Variants in WDPCP observed in about 807,000 individuals in gnomAD.
The protein encoded by WDPCP is WD repeat containing planar cell polarity effector.
In WDPCP, 71 loss-of-function variants were observed where a neutral mutation model predicts 93.1. That is an observed-to-expected ratio of 0.76 (90% CI 0.63 to 0.93). The LOEUF is 0.93. Among genes scored for constraint, WDPCP ranks in the 40% least tolerant of loss-of-function variants. The probability of loss-of-function intolerance (pLI) is 0.00; values close to 1 mark genes in which losing one functional copy is unlikely to be tolerated. For synonymous variants in WDPCP, 315 were observed against 315.0 expected (o/e 1.00, Z 0.00); for missense variants, 844 against 887.4 (o/e 0.95, Z 0.62).
At chr2:63,235,051 G>A (rs985925635) in intron 14 of WDPCP, among the ~76,000 whole-genome samples, 1 of 151,986 alleles carries the variant, frequency 6.6e-6, no homozygotes, top group African/African-American at 2.4e-5. Context: ...AAGGATAAAC[G>A]AAAAGTTGGT....
At chr2:63,823,233 C>T (rs1168948118) in intron 1 of WDPCP, among the ~76,000 whole-genome samples, 4 of 150,170 alleles carry the variant, frequency 2.7e-5, no homozygotes, top group African/African-American at 7.3e-5. Flanking sequence ...TTTGGCCAGG[C>T]GCAGTAGCTC....
At chr2:63,549,419 A>G (rs1575624118) in intron 1 of WDPCP, among the ~76,000 whole-genome samples, 1 of 152,302 alleles carries the variant, frequency 6.6e-6, no homozygotes. Flanking sequence ...ACTGTTTTAT[A>G]CTGTAATGGA....
chr2:63,480,292 A>G (rs1005239320), intron 6 of WDPCP, among the ~76,000 whole-genome samples: 7 of 152,126 alleles, frequency 4.6e-5, no homozygotes, highest in Non-Finnish European at 8.8e-5. Flanking sequence ...AATCAATATC[A>G]TGAAAATGGC....
At chr2:63,452,498 G>A (rs1251000824) in intron 6 of WDPCP, among the ~76,000 whole-genome samples, 4 of 152,130 alleles carry the variant, frequency 2.6e-5, no homozygotes, top group South Asian at 2.1e-4. Context: ...AATCAATATC[G>A]TGAAAATGGC....
chr2:63,484,929 G>A lies in WDPCP; in HGVS notation c.312C>T (p.Leu104=). 1 of 1,612,486 alleles carries A rather than the reference G, an allele frequency of 6.2e-7. No individual in the cohort carries two copies. Among genetic ancestry groups the A allele is most frequent in the Non-Finnish European group, 8.5e-7 (1 of 1,179,004 alleles). ...TTTTGAAAGATACCTCCAACTCTTT[G>A]AGCGAGTCTCGGAGTTTTTCTGGGC... The part of the protein sequence containing the change: ...NRRPEKLRDS[L]KELEELMQNS... Residue 104 remains leucine (L), a synonymous_variant, in exon 5 of 18, where the codon CTC becomes CTT. Transcript: ENST00000272321.
At chr2:63,331,654 G>A (rs1411292921) in intron 12 of WDPCP, among the ~76,000 whole-genome samples, 1 of 152,084 alleles carries the variant, frequency 6.6e-6, no homozygotes, top group Non-Finnish European at 1.5e-5. Context: ...GTTTCCATGT[G>A]CTATTTTGCA....
In WDPCP at chr2:63,409,524, C is replaced by T. The variant is rs1296852588; in HGVS notation, c.826-4867G>A. ...CCCCCAAAAGATCACACTAGGTCGC[C>T]AGCAATGGATCCAAACCAAGAAGAA... On this transcript the variant is annotated intron_variant, in intron 9 of 17. Transcript: ENST00000272321. Among the ~76,000 whole-genome samples, 3 of 152,148 alleles carry T rather than the reference C, an allele frequency of 2.0e-5. No individual in the cohort carries two copies. In the East Asian group the frequency reaches 5.8e-4, roughly 29 times the overall value.
At chr2:63,512,850 C>A (rs1702322373) in intron 1 of WDPCP, among the ~76,000 whole-genome samples, 1 of 151,516 alleles carries the variant, frequency 6.6e-6, no homozygotes, top group South Asian at 2.1e-4. Context: ...ATGTAACAAA[C>A]CGCACGTTCT....
intron 12 of WDPCP, among the ~76,000 whole-genome samples, chr2:63,340,086 T>A (rs1361156875): frequency 6.6e-6 from 1 of 152,220 alleles, no homozygotes; most frequent in Non-Finnish European, 1.5e-5. Flanking sequence ...CATCTACGTC[T>A]TTGCATTGAA....
At chr2:63,806,990 G>C (rs1296484401) in intron 2 of WDPCP, among the ~76,000 whole-genome samples, 1 of 152,192 alleles carries the variant, frequency 6.6e-6, no homozygotes, top group Non-Finnish European at 1.5e-5. Flanking sequence ...AGGATTAAGA[G>C]ATTAAAGTAA....
At chr2:63,811,682 T>C (rs984873241) in intron 2 of WDPCP, among the ~76,000 whole-genome samples, 4 of 150,650 alleles carry the variant, frequency 2.7e-5, no homozygotes, top group Admixed American at 6.6e-5. Context: ...GATGCTGAGG[T>C]TTGGGGTATG....
At chr2:63,298,055 C>A (rs1157001826) in intron 13 of WDPCP, among the ~76,000 whole-genome samples, 3 of 152,136 alleles carry the variant, frequency 2.0e-5, no homozygotes, top group African/African-American at 2.4e-5. Flanking sequence ...CAGTACCTGA[C>A]TTTTACACTC....
intron 14 of WDPCP, among the ~76,000 whole-genome samples, chr2:63,238,011 A>C (rs920037865): frequency 2.6e-4 from 40 of 151,986 alleles, no homozygotes; most frequent in East Asian, 9.6e-4. Flanking sequence ...CTAAAAAAAA[A>C]AACAACAAAA....
chr2:63,589,110 C>T (rs1709089859), upstream of WDPCP: 1 of 1,614,138 alleles, frequency 6.2e-7, no homozygotes. Flanking sequence ...GGGTTTCTTG[C>T]ACTTTAGGGA....
At chr2:63,356,860 A>G (rs775576335) in intron 12 of WDPCP, among the ~76,000 whole-genome samples, 2 of 152,226 alleles carry the variant, frequency 1.3e-5, no homozygotes, top group African/African-American at 4.8e-5. Flanking sequence ...ACATCATGTT[A>G]TCCTACTTCA....
intron 1 of WDPCP, among the ~76,000 whole-genome samples, chr2:63,580,800 G>A (rs926806664): frequency 6.6e-6 from 1 of 152,186 alleles, no homozygotes. Context: ...TCAATGTTAA[G>A]TTTCTTAACT....
intron 2 of WDPCP, among the ~76,000 whole-genome samples, chr2:63,802,724 A>G (rs547674645): frequency 6.6e-6 from 1 of 152,266 alleles, no homozygotes; most frequent in East Asian, 1.9e-4. Flanking sequence ...GTTAGTCTAT[A>G]TAGTACAGCT....
intron 2 of WDPCP, among the ~76,000 whole-genome samples, chr2:63,694,610 T>C (rs1324051280): frequency 2.6e-5 from 4 of 152,126 alleles, no homozygotes; most frequent in Admixed American, 2.6e-4. Flanking sequence ...GCACAAAATC[T>C]TGGGGACTCA....
intron 6 of WDPCP, among the ~76,000 whole-genome samples, chr2:63,475,685 A>G: frequency 6.6e-6 from 1 of 152,144 alleles, no homozygotes; most frequent in East Asian, 1.9e-4. Flanking sequence ...AATATAAGTT[A>G]AGGCTTTTTC....
Sources: allele counts gnomAD v4.1 joint callset (sites outside exome capture counted in the v4.1 genomes callset), GRCh38; gene constraint gnomAD v4.1.1; transcripts MANE v1.5; gene names NCBI Gene and HGNC (gene_info 2026-07-23, HGNC 2026-07-21).